The following NMNAT2 variants were observed in gnomAD, a reference collection of about 807,000 sequenced individuals.
NMNAT2 encodes nicotinamide/nicotinic acid mononucleotide adenylyltransferase 2.
NMNAT2 carries 11 observed loss-of-function variants against 41.6 expected under a neutral mutation model. The observed-to-expected ratio is 0.26, with a 90% confidence interval of 0.17 to 0.44. The LOEUF is 0.44. Ranked by LOEUF, NMNAT2 falls within the 20% of genes least tolerant of loss-of-function variation. The pLI is 1.00. For missense variants in NMNAT2, 288 were observed against 407.7 expected (o/e 0.71, Z 2.53); for synonymous variants, 148 against 151.2 (o/e 0.98, Z 0.16).
At chr1:183,266,691 G>A in intron 8 of NMNAT2, 2 of 185,774 alleles carry the variant, frequency 1.1e-5, no homozygotes, top group Non-Finnish European at 2.3e-5. Flanking sequence ...CTTAAGGGTT[G>A]TGCATTTGAA....
intron 1 of NMNAT2, among the ~76,000 whole-genome samples, chr1:183,381,053 G>C (rs1040470989): frequency 1.3e-5 from 2 of 152,132 alleles, no homozygotes; most frequent in Admixed American, 6.5e-5. Flanking sequence ...ATAATGAGGA[G>C]CTGGATCAAC....
At chr1:183,292,879 A>G (rs766562903) in intron 2 of NMNAT2, 22 bp from the exon 3 acceptor site, 2 of 1,612,504 alleles carry the variant, frequency 1.2e-6, no homozygotes, top group East Asian at 2.2e-5. Context: ...CAGAGCAATC[A>G]TTGGGAGACT....
intron 2 of NMNAT2, 135 bp downstream of exon 2, chr1:183,293,570 G>T: frequency 1.4e-6 from 1 of 694,426 alleles, no homozygotes; most frequent in African/African-American, 1.8e-5. Context: ...CAGGATAGAC[G>T]CATGGACCTG....
chr1:183,344,975 G>A (rs546792233), intron 1 of NMNAT2, among the ~76,000 whole-genome samples: 40 of 152,256 alleles, frequency 2.6e-4, no homozygotes, highest in South Asian at 8.3e-4. Context: ...GAGCCACAGC[G>A]GGGAGAAGGA....
At chr1:183,409,592 C>T (rs1038796323) in intron 1 of NMNAT2, among the ~76,000 whole-genome samples, 3 of 152,150 alleles carry the variant, frequency 2.0e-5, no homozygotes, top group Admixed American at 6.6e-5. Flanking sequence ...GCTGAGATTA[C>T]AGGTGTGAGC....
intron 1 of NMNAT2, among the ~76,000 whole-genome samples, chr1:183,403,749 A>G (rs1648881545): frequency 1.3e-5 from 2 of 152,230 alleles, no homozygotes; most frequent in African/African-American, 4.8e-5. Flanking sequence ...TATTCACTAC[A>G]TTTAAATGCA....
intron 7 of NMNAT2, among the ~76,000 whole-genome samples, chr1:183,280,059 G>T (rs1661218724): frequency 6.6e-6 from 1 of 152,184 alleles, no homozygotes; most frequent in African/African-American, 2.4e-5. Context: ...TGCAGCATGG[G>T]GTCACTGGGG....
intron 1 of NMNAT2, among the ~76,000 whole-genome samples, chr1:183,307,062 A>C (rs1264857727): frequency 6.6e-6 from 1 of 152,190 alleles, no homozygotes; most frequent in Non-Finnish European, 1.5e-5. Context: ...TTTGAAAAAA[A>C]AAATGTGCAG....
chr1:183,336,385 A>G (rs1557881853), intron 1 of NMNAT2, among the ~76,000 whole-genome samples: 1 of 152,240 alleles, frequency 6.6e-6, no homozygotes, highest in Non-Finnish European at 1.5e-5. Flanking sequence ...ACCACCTCAT[A>G]CCAGTTTGAA....
In NMNAT2 at chr1:183,357,932, G is replaced by A. The variant is rs112300430; in HGVS notation, c.85+60251C>T. Among the ~76,000 whole-genome samples, 189 of 152,064 alleles carry A rather than the reference G, an allele frequency of 1.2e-3. 1 individual carries two copies. Among genetic ancestry groups the A allele is most frequent in the African/African-American group, 4.0e-3 (164 of 41,458 alleles). ...CCAAAGGAATATATAAATTCCCAAAGGAATATAAATTTTTCTATTATAAAG... is the reference window on the plus strand; with the variant it reads ...CCAAAGGAATATATAAATTCCCAAAAGAATATAAATTTTTCTATTATAAAG... On this transcript the variant is annotated intron_variant, in intron 1 of 10. Coordinates refer to ENST00000287713, the MANE Select transcript of NMNAT2 (RefSeq NM_015039.4).
chr1:183,353,553 G>C (rs1044690462), intron 1 of NMNAT2, among the ~76,000 whole-genome samples: 2 of 152,138 alleles, frequency 1.3e-5, no homozygotes, highest in Non-Finnish European at 2.9e-5. Context: ...ACATTGTGAG[G>C]TGGTGTTTCT....
chr1:183,412,872 A>T (rs759429333), intron 1 of NMNAT2, among the ~76,000 whole-genome samples: 1 of 152,218 alleles, frequency 6.6e-6, no homozygotes, highest in Non-Finnish European at 1.5e-5. Context: ...TGAGGTCAAT[A>T]TGTTGCAGCA....
chr1:183,299,211 A>T (rs566395069), intron 1 of NMNAT2, among the ~76,000 whole-genome samples: 1 of 152,036 alleles, frequency 6.6e-6, no homozygotes, highest in East Asian at 1.9e-4. Context: ...GTCTATACTA[A>T]AAATACAAAA....
chr1:183,304,473 G>A (rs1177948581), intron 1 of NMNAT2, among the ~76,000 whole-genome samples: 1 of 152,064 alleles, frequency 6.6e-6, no homozygotes, highest in Non-Finnish European at 1.5e-5. Flanking sequence ...AGTGGCCAGT[G>A]ACTGGCCAGC....
chr1:183,293,672 T>A, intron 2 of NMNAT2, 33 bp downstream of exon 2: 1 of 1,483,438 alleles, frequency 6.7e-7, no homozygotes, highest in Admixed American at 1.7e-5. Flanking sequence ...GGGACGGGGA[T>A]TGAAGAGGAG....
rs889198076 is a variant in NMNAT2 at position 183,338,872 on chromosome 1, G to T, written c.86-45079C>A. ...GAAACTGTCCTGTGTCAGGTAATGT[G>T]GCCAGGCAACTTTTGGAGACTCTCC... On this transcript the variant is annotated intron_variant, in intron 1 of 10. Transcript: ENST00000287713. Among the ~76,000 whole-genome samples the T allele has an allele frequency of 3.3e-5, 5 of 152,242 alleles. No homozygotes were observed. In the East Asian group the frequency reaches 9.7e-4, roughly 30 times the overall value.
At chr1:183,267,912 G>A (rs1166959342) in intron 8 of NMNAT2, among the ~76,000 whole-genome samples, 1 of 152,126 alleles carries the variant, frequency 6.6e-6, no homozygotes, top group East Asian at 1.9e-4. Flanking sequence ...TTCTCCCCCT[G>A]CAGCATACAG....
intron 1 of NMNAT2, among the ~76,000 whole-genome samples, chr1:183,364,546 A>G (rs1663373149): frequency 6.6e-6 from 1 of 152,274 alleles, no homozygotes; most frequent in African/African-American, 2.4e-5. Context: ...GTTGTTCTAA[A>G]TAGAAAAATG....
At chr1:183,268,844 C>A (rs143933072) in intron 8 of NMNAT2, among the ~76,000 whole-genome samples, 1 of 152,202 alleles carries the variant, frequency 6.6e-6, no homozygotes, top group Admixed American at 6.5e-5. Context: ...GAGTTCCAGA[C>A]CAGCCTGGGC....
Sources: allele counts gnomAD v4.1 joint callset (sites outside exome capture counted in the v4.1 genomes callset), GRCh38; gene constraint gnomAD v4.1.1; transcripts MANE v1.5; gene names NCBI Gene and HGNC (gene_info 2026-07-23, HGNC 2026-07-21).